STAG1: variants seen among roughly 807,000 people sequenced by gnomAD.
STAG1 encodes the protein STAG1 cohesin complex component.
In STAG1, 26 loss-of-function variants were observed where a neutral mutation model predicts 170.9. That is an observed-to-expected ratio of 0.15 (90% CI 0.11 to 0.21). The LOEUF (loss-of-function observed/expected upper bound fraction) is 0.21, where lower values mean the gene tolerates loss of function less well. Ranked by LOEUF, STAG1 falls within the 10% of genes least tolerant of loss-of-function variation. The pLI, the probability that STAG1 is intolerant of heterozygous loss-of-function variation, is 1.00. For synonymous variants in STAG1, 514 were observed against 497.7 expected, an observed-to-expected ratio of 1.03 and a Z score of -0.44; for missense variants, 964 against 1,509.5, an observed-to-expected ratio of 0.64 and a Z score of 5.99.
At chr3:136,493,697 A>T (rs2090163483) in intron 9 of STAG1, among the ~76,000 whole-genome samples, 1 of 151,796 alleles carries the variant, frequency 6.6e-6, no homozygotes, top group Non-Finnish European at 1.5e-5. Flanking sequence ...TAAATATGGA[A>T]ACATAAATCA....
At chr3:136,668,234 A>T (rs1417292280) in intron 1 of STAG1, among the ~76,000 whole-genome samples, 1 of 147,794 alleles carries the variant, frequency 6.8e-6, no homozygotes, top group East Asian at 2.0e-4. Context: ...GACTGTCTCA[A>T]ATATATATAT....
chr3:136,478,430 G>A (rs577386642), intron 9 of STAG1, among the ~76,000 whole-genome samples: 2 of 152,090 alleles, frequency 1.3e-5, no homozygotes, highest in African/African-American at 2.4e-5. Context: ...TCATCACAAG[G>A]TTATTAGCCT....
intron 22 of STAG1, among the ~76,000 whole-genome samples, chr3:136,390,115 G>A (rs932692680): frequency 6.6e-6 from 1 of 152,086 alleles, no homozygotes; most frequent in Non-Finnish European, 1.5e-5. Context: ...AGAGGTGTGA[G>A]TCACCACGCC....
chr3:136,648,698 C>T (rs145033607), intron 1 of STAG1, among the ~76,000 whole-genome samples: 2 of 152,072 alleles, frequency 1.3e-5, no homozygotes, highest in African/African-American at 4.8e-5. Context: ...TTCTACCTAC[C>T]CTTCTTCCCC....
intron 4 of STAG1, among the ~76,000 whole-genome samples, chr3:136,573,904 G>A (rs1937356483): frequency 6.6e-6 from 1 of 152,064 alleles, no homozygotes; most frequent in South Asian, 2.1e-4. Context: ...CTGGGAGGCG[G>A]AGTTTGCAGT....
At chr3:136,518,146 G>C in intron 7 of STAG1, 1 of 385,176 alleles carries the variant, frequency 2.6e-6, no homozygotes, top group Non-Finnish European at 4.6e-6. Context: ...ACAGGAAAAT[G>C]GGATATTTGG....
chr3:136,512,934 G>A (rs1365649737), intron 7 of STAG1, among the ~76,000 whole-genome samples: 1 of 152,122 alleles, frequency 6.6e-6, no homozygotes, highest in Non-Finnish European at 1.5e-5. Context: ...ATGAATTACA[G>A]TTTAAAAAGC....
At chr3:136,421,538 G>A (rs968932711) in intron 19 of STAG1, among the ~76,000 whole-genome samples, 22 of 152,106 alleles carry the variant, frequency 1.4e-4, no homozygotes, top group African/African-American at 4.8e-4. Context: ...GAAAAAAACT[G>A]GTAAGTTTCA....
intron 20 of STAG1, among the ~76,000 whole-genome samples, chr3:136,420,284 C>T (rs997368715): frequency 8.2e-5 from 12 of 146,940 alleles, no homozygotes; most frequent in Admixed American, 2.7e-4. Context: ...TCAGTGATAG[C>T]AAAACATAAT....
At chr3:136,484,944 G>T (rs1159062430) in intron 9 of STAG1, among the ~76,000 whole-genome samples, 1 of 152,032 alleles carries the variant, frequency 6.6e-6, no homozygotes, top group Non-Finnish European at 1.5e-5. Flanking sequence ...CTCGCGCACG[G>T]TGCGCGCACA....
intron 9 of STAG1, among the ~76,000 whole-genome samples, chr3:136,484,362 T>C: frequency 6.8e-6 from 1 of 146,974 alleles, no homozygotes; most frequent in Non-Finnish European, 1.5e-5. Flanking sequence ...GTGCCCCTGC[T>C]GTGGGGTGTC....
chr3:136,418,645 A>AT (rs201422799), intron 20 of STAG1, among the ~76,000 whole-genome samples: 8,917 of 146,756 alleles, frequency 0.061, 426 homozygotes, highest in Admixed American at 0.11. Context: ...ATATAATAGT[A>AT]TTTTTTTTTT....
At chr3:136,440,335 C>T (rs1459256977) in intron 15 of STAG1, among the ~76,000 whole-genome samples, 1 of 152,000 alleles carries the variant, frequency 6.6e-6, no homozygotes, top group Non-Finnish European at 1.5e-5. Context: ...AATGGGGTTT[C>T]ACCGTGTTAG....
intron 4 of STAG1, among the ~76,000 whole-genome samples, chr3:136,600,855 G>GTTGT (rs746817575): frequency 7.8e-6 from 1 of 128,120 alleles, no homozygotes; most frequent in Non-Finnish European, 1.6e-5. Context: ...TTTTCTTGTT[G>GTTGT]TTGTTTGTTT....
chr3:136,424,602 G>A (rs1234005049), intron 16 of STAG1, among the ~76,000 whole-genome samples: 1 of 152,070 alleles, frequency 6.6e-6, no homozygotes, highest in Non-Finnish European at 1.5e-5. Context: ...CAAAGTGCTG[G>A]AATTACAGGT....
chr3:136,740,828 A>T lies in STAG1; in HGVS notation c.-84+11367T>A, dbSNP rs75555898. 9.0e-3 allele frequency among the ~76,000 whole-genome samples: 1,375 copies of T among 152,286 alleles called. 27 individuals carry two copies. The highest frequency in any genetic ancestry group is 0.029 in the African/African-American group (1,224 of 41,552). On this transcript the variant is annotated intron_variant, in intron 1 of 33. Transcript: ENST00000383202. ...TATTCACCAGAACAAAGACGTGGGG[A>T]AAGACAGGATACGAGTATGTAATCT...
intron 6 of STAG1, 102 bp from the exon 7 acceptor site, chr3:136,521,519 A>C (rs1448639869): frequency 1.1e-6 from 1 of 936,274 alleles, no homozygotes; most frequent in Non-Finnish European, 1.6e-6. Flanking sequence ...TTTGCAAAGC[A>C]GTTATAGAAA....
chr3:136,367,784 C>T (rs1560062705), intron 24 of STAG1, among the ~76,000 whole-genome samples: 1 of 152,036 alleles, frequency 6.6e-6, no homozygotes, highest in Non-Finnish European at 1.5e-5. Context: ...ATGTTATGCA[C>T]ATATAAAAAA....
At chr3:136,632,309 AAG>A (rs1322591260) in intron 1 of STAG1, among the ~76,000 whole-genome samples, 1 of 152,194 alleles carries the variant, frequency 6.6e-6, no homozygotes, top group East Asian at 1.9e-4. Flanking sequence ...AAAACTTACA[AAG>A]AGAGGGGTGC....
Sources: allele counts gnomAD v4.1 joint callset (sites outside exome capture counted in the v4.1 genomes callset), GRCh38; gene constraint gnomAD v4.1.1; transcripts MANE v1.5; gene names NCBI Gene and HGNC (gene_info 2026-07-23, HGNC 2026-07-21).